The following TLK1 variants were observed in gnomAD, a reference collection of about 807,000 sequenced individuals.
TLK1 encodes the protein tousled like kinase 1.
TLK1 carries 24 observed loss-of-function variants against 105.3 expected under a neutral mutation model. The observed-to-expected ratio is 0.23, with a 90% confidence interval of 0.17 to 0.32. The LOEUF is 0.32. TLK1 is among the 10% of genes least tolerant of loss of function. The pLI is 1.00. For missense variants in TLK1, 558 were observed against 910.5 expected (o/e 0.61, Z 4.98); for synonymous variants, 321 against 310.4 (o/e 1.03, Z -0.36).
intron 12 of TLK1, among the ~76,000 whole-genome samples, chr2:171,025,540 G>A (rs922975400): frequency 4.6e-5 from 7 of 152,138 alleles, no homozygotes; most frequent in Admixed American, 1.3e-4. Context: ...TATATTTCCT[G>A]TGCAGGATAC....
intron 8 of TLK1, among the ~76,000 whole-genome samples, chr2:171,051,057 C>A (rs1687214343): frequency 6.6e-6 from 1 of 152,180 alleles, no homozygotes; most frequent in Non-Finnish European, 1.5e-5. Context: ...AGATACCCAA[C>A]ACAGTTGTTT....
At chr2:171,022,404 C>G (rs1280111432) in intron 12 of TLK1, among the ~76,000 whole-genome samples, 2 of 151,716 alleles carry the variant, frequency 1.3e-5, no homozygotes, top group African/African-American at 4.8e-5. Context: ...TTCCAGCACT[C>G]TTCTTGGCAC....
intron 18 of TLK1, among the ~76,000 whole-genome samples, chr2:170,998,107 T>A (rs201822991): frequency 6.9e-6 from 1 of 144,336 alleles, no homozygotes; most frequent in Non-Finnish European, 1.5e-5. Flanking sequence ...CCTACCTACC[T>A]ACCACCTACC....
chr2:171,009,714 A>G (rs1418410372), intron 14 of TLK1, among the ~76,000 whole-genome samples: 1 of 152,228 alleles, frequency 6.6e-6, no homozygotes, highest in Non-Finnish European at 1.5e-5. Context: ...AGGTATTGTT[A>G]TTATTCTCAG....
At chr2:171,010,641 G>C (rs1035852437) in intron 14 of TLK1, among the ~76,000 whole-genome samples, 1 of 136,810 alleles carries the variant, frequency 7.3e-6, no homozygotes, top group African/African-American at 2.9e-5. Flanking sequence ...AAAAAAAAAA[G>C]AAAGGCATAA....
At position 171,160,759 on chromosome 2, in the gene TLK1, C is replaced by T. The variant is rs1692461563; in HGVS notation, c.-331G>A. The stretch of plus-strand genomic sequence containing the variant: ...CCGGGGTCGGAGCGCGGGCGGAGCG[C>T]GGGCTGCGCCGGCCGAGGACACTTC... On this transcript the variant is annotated 5_prime_UTR_variant, in exon 1 of 21. Transcript: ENST00000431350. The surrounding 1 kb of genome is among the most constrained non-coding windows in gnomAD (Gnocchi z 4.4). The T allele has an allele frequency of 7.0e-6, 3 of 429,210 alleles. No individual in the cohort carries two copies. The highest frequency in any genetic ancestry group is 4.0e-6 in the Non-Finnish European group (1 of 248,190). 26.6% of individuals were successfully genotyped at this position (429,210 alleles called of 1,614,324 possible).
At chr2:171,202,143 T>G (rs1693415579) in intron 1 of TLK1, among the ~76,000 whole-genome samples, 1 of 152,136 alleles carries the variant, frequency 6.6e-6, no homozygotes, top group South Asian at 2.1e-4. Flanking sequence ...AAATAACAAA[T>G]AATTTTTGGG....
rs71008743 is a variant in TLK1 at position 171,009,291 on chromosome 2, C to CTTTTTT, written c.1416+2076_1416+2081dup. Reference sequence around the variant, plus strand: ...CATGCAACAGTCAGGATTTCTTTTCCTTTTTTTTTTTTTTTTTTTTTTTTT... The same window carrying CTTTTTT: ...CATGCAACAGTCAGGATTTCTTTTCCTTTTTTTTTTTTTTTTTTTTTTTTTTTTTTT... On this transcript the variant is annotated intron_variant, in intron 14 of 20. Coordinates refer to ENST00000431350, the MANE Select transcript of TLK1 (RefSeq NM_012290.5). 2.8e-3 allele frequency among the ~76,000 whole-genome samples: 207 copies of CTTTTTT among 74,834 alleles called. 18 individuals carry two copies. Among genetic ancestry groups the CTTTTTT allele is most frequent in the African/African-American group, 7.8e-3 (128 of 16,384 alleles). The allele number at this position is 74,834 out of a possible 152,430, so 49.1% of individuals were successfully genotyped here.
At chr2:171,187,663 G>A (rs2105311610) in intron 1 of TLK1, among the ~76,000 whole-genome samples, 1 of 152,246 alleles carries the variant, frequency 6.6e-6, no homozygotes, top group South Asian at 2.1e-4. Flanking sequence ...TTTTTAGGAA[G>A]CCAGCTCTCC....
chr2:171,150,346 T>C (rs908529777), intron 1 of TLK1, among the ~76,000 whole-genome samples: 2 of 152,232 alleles, frequency 1.3e-5, no homozygotes, highest in Non-Finnish European at 2.9e-5. Flanking sequence ...ATGACAGTTA[T>C]AAAGTTAAAA....
At chr2:171,130,710 T>G (rs1691069519) in intron 1 of TLK1, among the ~76,000 whole-genome samples, 1 of 152,076 alleles carries the variant, frequency 6.6e-6, no homozygotes, top group Non-Finnish European at 1.5e-5. Context: ...TAAATAAATT[T>G]TATCCACCAG....
Position 171,160,738 on chromosome 2 carries a change from G to T in TLK1, c.-310C>A, listed in dbSNP as rs1159263301. On this transcript the variant is annotated 5_prime_UTR_variant, in exon 1 of 21. Transcript: ENST00000431350. The surrounding 1 kb of genome is among the most constrained non-coding windows in gnomAD (Gnocchi z 4.4). Reference sequence around the variant, plus strand: ...GTCGAGGGGGTGCCAGCCGGGCCGGGGTCGGAGCGCGGGCGGAGCGCGGGC... The same window carrying T: ...GTCGAGGGGGTGCCAGCCGGGCCGGTGTCGGAGCGCGGGCGGAGCGCGGGC... 6.7e-6 allele frequency: 3 copies of T among 446,268 alleles called. No homozygotes were observed. Among genetic ancestry groups the T allele is most frequent in the African/African-American group, 4.1e-5 (2 of 48,504 alleles). 27.6% of individuals were successfully genotyped at this position (446,268 alleles called of 1,614,324 possible).
rs193104118 is a variant in TLK1 at position 171,042,957 on chromosome 2, A to G, written c.1169+3217T>C. Reference sequence around the variant, plus strand: ...ACATAAAGGGTCTTCATGTGGGTGAATTTTATCTAGAAAGCCACTGACAGA... The same window carrying G: ...ACATAAAGGGTCTTCATGTGGGTGAGTTTTATCTAGAAAGCCACTGACAGA... On this transcript the variant is annotated intron_variant, in intron 11 of 20. Coordinates refer to ENST00000431350, the MANE Select transcript of TLK1 (RefSeq NM_012290.5). Among the ~76,000 whole-genome samples the G allele has an allele frequency of 3.4e-3, 521 of 152,258 alleles. 1 individual carries two copies. Among genetic ancestry groups the G allele is most frequent in the Non-Finnish European group, 5.5e-3 (372 of 68,026 alleles).
chr2:171,135,606 T>A (rs1691284921), intron 1 of TLK1, among the ~76,000 whole-genome samples: 1 of 151,850 alleles, frequency 6.6e-6, no homozygotes, highest in East Asian at 1.9e-4. Context: ...TTCGAGACCA[T>A]CCTGGCCAAC....
chr2:171,025,767 C>A (rs1044205436), intron 12 of TLK1, among the ~76,000 whole-genome samples: 1 of 152,126 alleles, frequency 6.6e-6, no homozygotes, highest in Non-Finnish European at 1.5e-5. Context: ...CTTCAGAATG[C>A]CAAATAACTT....
chr2:171,058,693 C>G (rs536968922), intron 4 of TLK1, among the ~76,000 whole-genome samples: 59 of 152,198 alleles, frequency 3.9e-4, no homozygotes, highest in Non-Finnish European at 6.8e-4. Context: ...ACAAAGTGAA[C>G]CAGCTCATTA....
intron 1 of TLK1, among the ~76,000 whole-genome samples, chr2:171,128,026 A>G (rs1316953268): frequency 9.2e-5 from 14 of 152,202 alleles, no homozygotes; most frequent in Non-Finnish European, 1.2e-4. Flanking sequence ...GGTAGAGAAG[A>G]CAGGTCTAAT....
chr2:171,082,056 C>CA (rs1247534690), intron 3 of TLK1, among the ~76,000 whole-genome samples: 1 of 151,700 alleles, frequency 6.6e-6, no homozygotes, highest in Non-Finnish European at 1.5e-5. Flanking sequence ...CACACACACA[C>CA]AAGTGACAGA....
rs541266862 is a variant in TLK1, at chr2:171,037,443, A to AG, written c.1169+8730_1169+8731insC. On this transcript the variant is annotated intron_variant, in intron 11 of 20. Coordinates refer to ENST00000431350, the MANE Select transcript of TLK1 (RefSeq NM_012290.5). ...GCAACAAGAGTGAAACTCCGTCTCAAAAAAAAAAAAAAACAGAGGCATGAT... is the reference window on the plus strand; with the variant it reads ...GCAACAAGAGTGAAACTCCGTCTCAAGAAAAAAAAAAAAACAGAGGCATGAT... 8.4e-3 allele frequency among the ~76,000 whole-genome samples: 1,255 copies of AG among 150,276 alleles called. 12 individuals carry two copies. Among genetic ancestry groups the AG allele is most frequent in the Non-Finnish European group, 0.015 (979 of 67,384 alleles).
Sources: gnomAD v4.1 joint callset for allele counts (sites outside exome capture counted in the v4.1 genomes callset) on GRCh38, gnomAD v4.1.1 for gene constraint, Gnocchi (gnomAD v3.1) non-coding constraint, MANE v1.5 for transcripts, NCBI Gene and HGNC (gene_info 2026-07-23, HGNC 2026-07-21) for gene names.